PTN: variants seen among roughly 807,000 people sequenced by gnomAD.
The protein encoded by PTN is heparin affin regulatory protein.
A neutral mutation model predicts 24.1 loss-of-function variants in PTN; 18 were observed. The observed-to-expected ratio is 0.75, with a 90% CI of 0.52 to 1.11. The LOEUF (loss-of-function observed/expected upper bound fraction) is 1.11. Ranked by LOEUF, PTN falls within the 50% of genes least tolerant of loss-of-function variation. PTN has a pLI of 0.00. For missense variants in PTN, 163 were observed against 198.8 expected (o/e 0.82, Z 1.08); for synonymous variants, 78 against 68.6 (o/e 1.14, Z -0.67).
chr7:137,292,354 C>A (rs1284472990), intron 1 of PTN, among the ~76,000 whole-genome samples: 1 of 152,118 alleles, frequency 6.6e-6, no homozygotes, highest in Non-Finnish European at 1.5e-5. Context: ...TCCCATGTCA[C>A]GGGAGGGACC....
intron 3 of PTN, among the ~76,000 whole-genome samples, chr7:137,252,948 G>C (rs1171884915): frequency 1.3e-5 from 2 of 152,068 alleles, no homozygotes; most frequent in African/African-American, 4.8e-5. Flanking sequence ...GGTTGGGGAG[G>C]GATCAAATGG....
At chr7:137,268,099 T>A (rs2128873920) in intron 1 of PTN, among the ~76,000 whole-genome samples, 1 of 152,176 alleles carries the variant, frequency 6.6e-6, no homozygotes, top group South Asian at 2.1e-4. Flanking sequence ...ACGTCCGGAC[T>A]CCAAGTGCCA....
chr7:137,248,835 A>G (rs1369242082), intron 4 of PTN, among the ~76,000 whole-genome samples: 1 of 152,216 alleles, frequency 6.6e-6, no homozygotes, highest in Non-Finnish European at 1.5e-5. Flanking sequence ...TGTAAATTGC[A>G]TAACTGGTAG....
chr7:137,286,370 C>T (rs989334366), intron 1 of PTN, among the ~76,000 whole-genome samples: 1 of 152,158 alleles, frequency 6.6e-6, no homozygotes. Flanking sequence ...GTTACTTGCT[C>T]CCTCTGGCCT....
rs374820442 is a variant in PTN at position 137,333,773 on chromosome 7, G to A, written c.-2+9666C>T. Among the ~76,000 whole-genome samples the A allele has an allele frequency of 9.2e-5, 14 of 152,160 alleles. No individual in the cohort carries two copies. The East Asian group carries it at 1.2e-3, about 13-fold the overall frequency. On this transcript the variant is annotated intron_variant, in intron 1 of 4. Coordinates refer to ENST00000348225, the MANE Select transcript of PTN (RefSeq NM_002825.7). ...AAAAGAACAAAGCTGGAGGCATCAC[G>A]CTACCTGACTTCAAACTATACTACA...
intron 1 of PTN, among the ~76,000 whole-genome samples, chr7:137,327,483 C>T (rs1810282233): frequency 1.3e-5 from 2 of 152,010 alleles, no homozygotes; most frequent in South Asian, 2.1e-4. Flanking sequence ...ACCTGGGATG[C>T]TTTCCCCATA....
chr7:137,295,943 G>T (rs1809711661), intron 1 of PTN, among the ~76,000 whole-genome samples: 1 of 151,980 alleles, frequency 6.6e-6, no homozygotes, highest in Admixed American at 6.6e-5. Flanking sequence ...AAGCAGAAAA[G>T]AAGGGTCACT....
At chr7:137,271,164 C>T (rs1434606563) in intron 1 of PTN, among the ~76,000 whole-genome samples, 2 of 152,190 alleles carry the variant, frequency 1.3e-5, no homozygotes, top group Non-Finnish European at 2.9e-5. Context: ...TCTGATCAAA[C>T]CTGAAATCGT....
At chr7:137,312,263 A>T (rs1464693518) in intron 1 of PTN, among the ~76,000 whole-genome samples, 1 of 152,234 alleles carries the variant, frequency 6.6e-6, no homozygotes, top group East Asian at 1.9e-4. Flanking sequence ...TAGACTGTGC[A>T]GCAATGAGGC....
At chr7:137,289,207 G>A (rs1809603329) in intron 1 of PTN, among the ~76,000 whole-genome samples, 1 of 152,146 alleles carries the variant, frequency 6.6e-6, no homozygotes, top group African/African-American at 2.4e-5. Flanking sequence ...TAAAAGAAGG[G>A]AACATAGCTA....
intron 4 of PTN, among the ~76,000 whole-genome samples, chr7:137,229,511 C>T (rs1441800702): frequency 6.6e-6 from 1 of 151,760 alleles, no homozygotes; most frequent in Non-Finnish European, 1.5e-5. Context: ...ATCTTCATGA[C>T]CTCTTCAAGT....
intron 1 of PTN, among the ~76,000 whole-genome samples, chr7:137,314,186 C>T (rs1026996314): frequency 3.3e-5 from 5 of 152,050 alleles, no homozygotes; most frequent in Non-Finnish European, 7.4e-5. Context: ...CTAAAATTTC[C>T]GGAAGGCTCT....
At chr7:137,293,348 C>A (rs1323208018) in intron 1 of PTN, among the ~76,000 whole-genome samples, 1 of 152,100 alleles carries the variant, frequency 6.6e-6, no homozygotes, top group Non-Finnish European at 1.5e-5. Flanking sequence ...TAAGGGGTAG[C>A]CATCCTTCCA....
At chr7:137,278,306 C>CAAAAAAAAAAAAAA (rs71176391) in intron 1 of PTN, among the ~76,000 whole-genome samples, 5 of 62,850 alleles carry the variant, frequency 8.0e-5, no homozygotes, top group Non-Finnish European at 1.4e-4. Flanking sequence ...GACTCCGTCT[C>CAAAAAAAAAAAAAA]AAAAAAAAAA....
At chr7:137,323,865 A>G (rs930174063) in intron 1 of PTN, among the ~76,000 whole-genome samples, 3 of 152,140 alleles carry the variant, frequency 2.0e-5, no homozygotes, top group African/African-American at 7.2e-5. Flanking sequence ...CTGCAGAGCC[A>G]CCAACTTAAA....
chr7:137,311,231 CAAAAAAAAAA>C (rs35319700), intron 1 of PTN, among the ~76,000 whole-genome samples: 3 of 101,622 alleles, frequency 3.0e-5, no homozygotes, highest in Non-Finnish European at 6.3e-5. Context: ...GACTCCATTT[CAAAAAAAAAA>C]AAAAAAAAAG....
intron 1 of PTN, among the ~76,000 whole-genome samples, chr7:137,327,949 G>C (rs1214416230): frequency 6.6e-6 from 1 of 152,130 alleles, no homozygotes; most frequent in Non-Finnish European, 1.5e-5. Flanking sequence ...CGGACACCTT[G>C]TTATTCAGCT....
intron 4 of PTN, among the ~76,000 whole-genome samples, chr7:137,236,726 T>G (rs1209162986): frequency 6.6e-6 from 1 of 152,142 alleles, no homozygotes; most frequent in African/African-American, 2.4e-5. Context: ...GAGGAGCTTA[T>G]TTCTGCAATA....
At chr7:137,309,947 C>T (rs748324978) in intron 1 of PTN, among the ~76,000 whole-genome samples, 2 of 152,156 alleles carry the variant, frequency 1.3e-5, no homozygotes, top group Non-Finnish European at 2.9e-5. Flanking sequence ...AATGATGAAT[C>T]CTTTCCAGAA....
Sources: allele counts gnomAD v4.1 joint callset (sites outside exome capture counted in the v4.1 genomes callset), GRCh38; gene constraint gnomAD v4.1.1; transcripts MANE v1.5; gene names NCBI Gene and HGNC (gene_info 2026-07-23, HGNC 2026-07-21).